The following CATSPERT variants were observed in gnomAD, a reference collection of about 807,000 sequenced individuals.
CATSPERT encodes cation channel sperm-associated targeting subunit tau.
the CATSPERT span, among the ~76,000 whole-genome samples, chr2:201,613,051 G>A: frequency 2.0e-5 from 3 of 152,242 alleles, no homozygotes; most frequent in Non-Finnish European, 2.9e-5. Flanking sequence ...AAAGCAGCTG[G>A]GAAGCTCAAA....
chr2:201,574,209 C>T, the CATSPERT span: 1 of 1,600,934 alleles, frequency 6.2e-7, no homozygotes, highest in Non-Finnish European at 8.5e-7. Flanking sequence ...GGGAACTAAC[C>T]TGATGTGAAA....
chr2:201,597,204 A>G, the CATSPERT span, among the ~76,000 whole-genome samples: 1 of 152,084 alleles, frequency 6.6e-6, no homozygotes, highest in Non-Finnish European at 1.5e-5. Flanking sequence ...TGGGATCTCA[A>G]CAGAATTCTG....
At chr2:201,534,430 C>A in the CATSPERT span, 2 of 984,736 alleles carry the variant, frequency 2.0e-6, no homozygotes, top group Non-Finnish European at 2.4e-6. Context: ...GGAAGTCAGA[C>A]TGAATGTAAT....
the CATSPERT span, among the ~76,000 whole-genome samples, chr2:201,525,684 G>C: frequency 1.3e-5 from 2 of 152,050 alleles, no homozygotes; most frequent in Non-Finnish European, 2.9e-5. Context: ...CCAAAAGTTG[G>C]TTCTTTGAAA....
the CATSPERT span, among the ~76,000 whole-genome samples, chr2:201,514,302 A>T: frequency 6.6e-6 from 1 of 152,192 alleles, no homozygotes; most frequent in East Asian, 1.9e-4. Flanking sequence ...AATTTAGCAA[A>T]TGAACCCAAC....
the CATSPERT span, among the ~76,000 whole-genome samples, chr2:201,541,103 A>G: frequency 1.3e-5 from 2 of 152,212 alleles, no homozygotes; most frequent in African/African-American, 4.8e-5. Flanking sequence ...AACTGCTACA[A>G]TCTCATTATA....
chr2:201,605,079 T>C, the CATSPERT span, among the ~76,000 whole-genome samples: 226 of 101,578 alleles, frequency 2.2e-3, no homozygotes, highest in African/African-American at 5.5e-3. Flanking sequence ...CACACACACA[T>C]ACACAAACAT....
chr2:201,518,644 G>A, the CATSPERT span, among the ~76,000 whole-genome samples: 2 of 152,226 alleles, frequency 1.3e-5, no homozygotes, highest in East Asian at 1.9e-4. Context: ...TCAGCTGTCT[G>A]TAGAATGGAT....
the CATSPERT span, among the ~76,000 whole-genome samples, chr2:201,531,891 G>A: frequency 1.3e-5 from 2 of 152,140 alleles, no homozygotes; most frequent in African/African-American, 2.4e-5. Context: ...ATGAAAACAC[G>A]CCATTGAAGA....
the CATSPERT span, among the ~76,000 whole-genome samples, chr2:201,540,604 G>C: frequency 1.3e-5 from 2 of 152,154 alleles, no homozygotes; most frequent in African/African-American, 4.8e-5. Context: ...TTTTAAGCTT[G>C]CTGTTGAGAC....
the CATSPERT span, among the ~76,000 whole-genome samples, chr2:201,606,854 G>A: frequency 1.0e-4 from 15 of 150,170 alleles, no homozygotes; most frequent in East Asian, 2.0e-4. Flanking sequence ...AGCCAAGATC[G>A]CGCCACCGCA....
At chr2:201,491,487 T>A in the CATSPERT span, 1 of 1,536,678 alleles carries the variant, frequency 6.5e-7, no homozygotes, top group African/African-American at 1.4e-5. Context: ...GTATTTCTTT[T>A]TTGTATTGTG....
chr2:201,494,221 C>T, the CATSPERT span: 1 of 1,536,190 alleles, frequency 6.5e-7, no homozygotes, highest in Non-Finnish European at 8.7e-7. Context: ...AAGTGGAGAA[C>T]TACTTTTCTC....
chr2:201,600,333 A>T, the CATSPERT span, among the ~76,000 whole-genome samples: 1 of 152,172 alleles, frequency 6.6e-6, no homozygotes, highest in Non-Finnish European at 1.5e-5. Context: ...AACTATCACA[A>T]GGACAGAAAA....
At chr2:201,561,349 G>A in the CATSPERT span, among the ~76,000 whole-genome samples, 6 of 151,958 alleles carry the variant, frequency 3.9e-5, no homozygotes, top group Non-Finnish European at 5.9e-5. Context: ...CTACATATAC[G>A]ACTTTTTTAA....
At chr2:201,551,183 A>AT in the CATSPERT span, 1 of 152,214 alleles carries the variant, frequency 6.6e-6, no homozygotes, top group Admixed American at 6.5e-5. Flanking sequence ...GCCTAGAAAT[A>AT]TTTTTTTAAA....
the CATSPERT span, among the ~76,000 whole-genome samples, chr2:201,496,367 G>C: frequency 6.6e-6 from 1 of 152,194 alleles, no homozygotes; most frequent in African/African-American, 2.4e-5. Context: ...TTTCGAGACA[G>C]AGTCTTGCTC....
chr2:201,490,019 G>A, the CATSPERT span, among the ~76,000 whole-genome samples: 1 of 152,072 alleles, frequency 6.6e-6, no homozygotes, highest in Non-Finnish European at 1.5e-5. Flanking sequence ...ACGACACCCA[G>A]CTAATTTTTG....
At chr2:201,605,567 A>C in the CATSPERT span, among the ~76,000 whole-genome samples, 18 of 152,328 alleles carry the variant, frequency 1.2e-4, no homozygotes, top group East Asian at 3.5e-3. Context: ...CTGCTTCAAT[A>C]CACTGAAAGA....
Sources: gnomAD v4.1 joint callset for allele counts (sites outside exome capture counted in the v4.1 genomes callset) on GRCh38, gnomAD v4.1.1 for gene constraint, MANE v1.5 for transcripts, NCBI Gene and HGNC (gene_info 2026-07-23, HGNC 2026-07-21) for gene names.